CYP51A1: variants seen among roughly 807,000 people sequenced by gnomAD.
The protein encoded by CYP51A1 is lanosterol 14-alpha demethylase.
A neutral mutation model predicts 53.5 loss-of-function variants in CYP51A1; 45 were observed. The observed-to-expected ratio is 0.84, with a 90% CI of 0.66 to 1.08. CYP51A1 has a LOEUF of 1.08. Ranked by LOEUF, CYP51A1 falls within the 50% of genes least tolerant of loss-of-function variation. CYP51A1 has a pLI of 0.00. For synonymous variants in CYP51A1, 181 were observed against 217.7 expected (o/e 0.83, Z 1.48); for missense variants, 462 against 621.7 (o/e 0.74, Z 2.73).
chr7:92,113,746 T>C lies in CYP51A1; in HGVS notation c.1449A>G (p.Gly483=). ...TTGTATAATTCACAGTGGGAAAGTA[T>C]CCATCAATGAGATCAAATTCATATA... The part of the protein sequence containing the change: ...LRLYEFDLID[G]YFPTVNYTTM... The change falls in exon 10 of 10, where the codon GGA becomes GGG. Residue 483 remains glycine (G), a synonymous_variant. Transcript: ENST00000003100. 1 of 1,613,188 alleles carries C rather than the reference T, an allele frequency of 6.2e-7. No individual in the cohort carries two copies. The highest frequency in any genetic ancestry group is 1.7e-4 in the Middle Eastern group (1 of 5,942).
Position 92,113,063 on chromosome 7 carries a change from A to T in CYP51A1, c.*602T>A, listed in dbSNP as rs1819486178. 1.3e-5 allele frequency: 2 copies of T among 152,192 alleles called. No homozygotes were observed. The highest frequency in any genetic ancestry group is 1.3e-4 in the Admixed American group (2 of 15,270). The allele number at this position is 152,192 out of a possible 1,614,324, so 9.4% of individuals were successfully genotyped here. A position where few individuals can be genotyped will look rare whatever the true frequency, so the allele number is the denominator to read the frequency against. ...TATCAAATATGGTCCTGGATCTCTTAATTTCCCATATGCAGTGATTTTAGT... is the reference window on the plus strand; with the variant it reads ...TATCAAATATGGTCCTGGATCTCTTTATTTCCCATATGCAGTGATTTTAGT... On this transcript the variant is annotated 3_prime_UTR_variant, in exon 10 of 10. Transcript: ENST00000003100.
At chr7:92,114,432 C>T (rs1736663051) in intron 9 of CYP51A1, among the ~76,000 whole-genome samples, 1 of 152,068 alleles carries the variant, frequency 6.6e-6, no homozygotes, top group Admixed American at 6.5e-5. Flanking sequence ...AAAGATAAAA[C>T]AGAGTGGTAC....
chr7:92,131,354 A>T (rs1819912288), intron 2 of CYP51A1, among the ~76,000 whole-genome samples: 1 of 152,242 alleles, frequency 6.6e-6, no homozygotes, highest in South Asian at 2.1e-4. Context: ...CAAATAATTG[A>T]GTAGCTATGG....
chr7:92,118,669 A>G (rs990380191), intron 7 of CYP51A1, 54 bp from the exon 8 acceptor site: 1 of 1,035,638 alleles, frequency 9.7e-7, no homozygotes, highest in Middle Eastern at 2.0e-4. Flanking sequence ...TCAACAGTAC[A>G]AAAAATTAGT....
In CYP51A1 at chr7:92,128,863, G is replaced by T; in HGVS notation, c.468+17C>A. ...AGGTATAGATTTGTCTTTATTTATG[G>T]TAACAGTGTCACCTACTGGATTAGG... On this transcript the variant is annotated intron_variant, in intron 3 of 9. Transcript: ENST00000003100. 1 of 1,600,814 alleles carries T rather than the reference G, an allele frequency of 6.2e-7. No homozygotes were observed. Among genetic ancestry groups the T allele is most frequent in the South Asian group, 1.1e-5 (1 of 89,712 alleles).
At chr7:92,125,080 C>T (rs1819770872) in intron 5 of CYP51A1, among the ~76,000 whole-genome samples, 1 of 145,916 alleles carries the variant, frequency 6.9e-6, no homozygotes, top group African/African-American at 2.6e-5. Context: ...GGAAGCAGAG[C>T]TTGCAGTGAG....
At position 92,127,605 on chromosome 7, in the gene CYP51A1, T is replaced by C; in HGVS notation, c.495A>G (p.Leu165=). Residue 165 remains leucine, a synonymous_variant, in exon 4 of 10, where the codon TTA becomes TTG. Transcript: ENST00000003100. The stretch of plus-strand genomic sequence containing the variant: ...AGTGGGCTATGTTAAGGCCACTTTT[T>C]AACATTTTCTTCTGCTCCAAGAAAA... ...NPVFLEQKKM[L]KSGLNIAHFK... 1 of 1,613,672 alleles carries C rather than the reference T, an allele frequency of 6.2e-7. No individual in the cohort carries two copies. The highest frequency in any genetic ancestry group is 1.3e-5 in the African/African-American group (1 of 75,044).
At chr7:92,123,026 T>C (rs985646961) in intron 7 of CYP51A1, 94 bp downstream of exon 7, 1 of 906,744 alleles carries the variant, frequency 1.1e-6, no homozygotes, top group Non-Finnish European at 1.7e-6. Context: ...ATTTAAGCTA[T>C]AGTATATAGA....
chr7:92,127,245 C>T (rs1388286785), intron 4 of CYP51A1, among the ~76,000 whole-genome samples: 1 of 152,198 alleles, frequency 6.6e-6, no homozygotes, highest in African/African-American at 2.4e-5. Flanking sequence ...GCCCTGGGTC[C>T]TGCTGCCCTG....
intron 7 of CYP51A1, among the ~76,000 whole-genome samples, chr7:92,122,877 G>A (rs187241246): frequency 6.6e-6 from 1 of 152,232 alleles, no homozygotes; most frequent in East Asian, 1.9e-4. Flanking sequence ...GAGGAAGTAA[G>A]TACCAAAGAA....
At chr7:92,128,426 T>TTCTC (rs1554479143) in intron 3 of CYP51A1, among the ~76,000 whole-genome samples, 8 of 118,948 alleles carry the variant, frequency 6.7e-5, no homozygotes, top group Admixed American at 2.3e-4. Flanking sequence ...TTTGGTTGGT[T>TTCTC]TCTGTGTGTG....
chr7:92,115,337 G>A (rs1173587734), intron 9 of CYP51A1, among the ~76,000 whole-genome samples: 1 of 152,178 alleles, frequency 6.6e-6, no homozygotes, highest in Non-Finnish European at 1.5e-5. Flanking sequence ...AAGATGAGAT[G>A]ACCCTGACTT....
chr7:92,130,284 T>C (rs2130956516), intron 2 of CYP51A1, among the ~76,000 whole-genome samples: 1 of 152,272 alleles, frequency 6.6e-6, no homozygotes, highest in Middle Eastern at 3.4e-3. Flanking sequence ...CTCTCACCTA[T>C]AAAATGGTAA....
At chr7:92,131,126 G>A (rs1374423478) in intron 2 of CYP51A1, among the ~76,000 whole-genome samples, 1 of 152,196 alleles carries the variant, frequency 6.6e-6, no homozygotes, top group African/African-American at 2.4e-5. Flanking sequence ...AAGGCTGATG[G>A]ATCAGGAGAA....
Position 92,113,324 on chromosome 7 carries a change from G to C in CYP51A1, c.*341C>G, listed in dbSNP as rs540688443. On this transcript the variant is annotated 3_prime_UTR_variant, in exon 10 of 10. Coordinates refer to ENST00000003100, the MANE Select transcript of CYP51A1 (RefSeq NM_000786.4). ...GACTAGTCCAAGATTTGAATACCCT[G>C]AACTTATTTGGCAAGAGCGATGAGT... is the stretch of plus-strand genomic sequence containing the variant. The C allele has an allele frequency of 9.1e-5, 19 of 209,868 alleles. No homozygotes were observed. The Admixed American group carries it at 1.1e-3, about 12-fold the overall frequency. The allele number at this position is 209,868 out of a possible 1,614,324, so 13.0% of individuals were successfully genotyped here. A position where few individuals can be genotyped will look rare whatever the true frequency, so the allele number is the denominator to read the frequency against.
intron 6 of CYP51A1, 105 bp downstream of exon 6, chr7:92,123,629 C>A: frequency 9.0e-7 from 1 of 1,114,356 alleles, no homozygotes. Context: ...CAGCTACCAA[C>A]TTATTTTGCC....
chr7:92,129,525 C>T (rs932845329), intron 2 of CYP51A1, among the ~76,000 whole-genome samples: 9 of 152,138 alleles, frequency 5.9e-5, no homozygotes, highest in Non-Finnish European at 1.2e-4. Flanking sequence ...GAAGACACTA[C>T]AAGTTTATTT....
chr7:92,134,542 G>C (rs996577518), upstream of CYP51A1: 53 of 632,330 alleles, frequency 8.4e-5, no homozygotes, highest in African/African-American at 8.8e-4. Context: ...GGGGCGGGAT[G>C]TTCCGCTGGC....
intron 9 of CYP51A1, 50 bp from the exon 10 acceptor site, chr7:92,113,893 T>C (rs1467492302): frequency 1.2e-5 from 15 of 1,295,734 alleles, no homozygotes; most frequent in Non-Finnish European, 1.5e-5. Flanking sequence ...TTTCTCATCC[T>C]TTTTAGCCTG....
Sources: allele counts gnomAD v4.1 joint callset (sites outside exome capture counted in the v4.1 genomes callset), GRCh38; gene constraint gnomAD v4.1.1; transcripts MANE v1.5; gene names NCBI Gene and HGNC (gene_info 2026-07-23, HGNC 2026-07-21).